ADAMTS12: variants seen among roughly 807,000 people sequenced by gnomAD.
ADAMTS12 encodes the protein A disintegrin and metalloproteinase with thrombospondin motifs 12.
ADAMTS12 carries 118 observed loss-of-function variants against 167.8 expected under a neutral mutation model. The observed-to-expected ratio is 0.70, with a 90% CI of 0.61 to 0.82. ADAMTS12 has a LOEUF of 0.82. Ranked by LOEUF, ADAMTS12 falls within the 40% of genes least tolerant of loss-of-function variation. The pLI is 0.00. For synonymous variants in ADAMTS12, 704 were observed against 716.9 expected, an observed-to-expected ratio of 0.98 and a Z score of 0.29; for missense variants, 1,916 against 1,998.8, an observed-to-expected ratio of 0.96 and a Z score of 0.79.
chr5:33,551,095 A>G (rs1370569612), intron 20 of ADAMTS12, among the ~76,000 whole-genome samples: 1 of 152,132 alleles, frequency 6.6e-6, no homozygotes, highest in Non-Finnish European at 1.5e-5. Flanking sequence ...CTGAAGGGTA[A>G]AAGACCATGC....
chr5:33,760,099 G>C (rs1052314907), intron 2 of ADAMTS12, among the ~76,000 whole-genome samples: 24 of 152,166 alleles, frequency 1.6e-4, no homozygotes, highest in Non-Finnish European at 2.5e-4. Flanking sequence ...TTCTGTTATA[G>C]ATAATCCATG....
intron 3 of ADAMTS12, among the ~76,000 whole-genome samples, chr5:33,719,805 A>G (rs906074525): frequency 1.3e-5 from 2 of 152,244 alleles, no homozygotes; most frequent in African/African-American, 2.4e-5. Context: ...CGAAGTTACT[A>G]TAACAGATGG....
chr5:33,707,601 A>C (rs990249042), intron 3 of ADAMTS12, among the ~76,000 whole-genome samples: 3 of 152,246 alleles, frequency 2.0e-5, no homozygotes, highest in African/African-American at 7.2e-5. Context: ...GTACCAAAAC[A>C]GATCTGTAGA....
At chr5:33,562,342 A>G (rs952235815) in intron 19 of ADAMTS12, among the ~76,000 whole-genome samples, 2 of 152,176 alleles carry the variant, frequency 1.3e-5, no homozygotes, top group African/African-American at 4.8e-5. Context: ...TAATTCTTAA[A>G]TATCTCAGGT....
At chr5:33,737,210 G>A (rs1744404789) in intron 3 of ADAMTS12, among the ~76,000 whole-genome samples, 1 of 152,212 alleles carries the variant, frequency 6.6e-6, no homozygotes, top group African/African-American at 2.4e-5. Context: ...TGCTGTGGTT[G>A]ACAGGCCCCT....
rs1743842963 is a variant in ADAMTS12 at position 33,526,908 on chromosome 5, A to G, written c.*280T>C. 1 of 381,992 alleles carries G rather than the reference A, an allele frequency of 2.6e-6. No homozygotes were observed. Among genetic ancestry groups the G allele is most frequent in the South Asian group, 5.2e-5 (1 of 19,306 alleles). The allele number at this position is 381,992 out of a possible 1,614,324, so 23.7% of individuals were successfully genotyped here. A position where few individuals can be genotyped will look rare whatever the true frequency, so the allele number is the denominator to read the frequency against. ...AGAACAAAAATACAGTATTTCACAAATCTGTCTAACCTGGCACCTTTCCCA... is the reference window on the plus strand; with the variant it reads ...AGAACAAAAATACAGTATTTCACAAGTCTGTCTAACCTGGCACCTTTCCCA... On this transcript the variant is annotated 3_prime_UTR_variant, in exon 24 of 24. Transcript: ENST00000504830.
chr5:33,645,478 A>G (rs1740629738), intron 9 of ADAMTS12, among the ~76,000 whole-genome samples: 1 of 152,020 alleles, frequency 6.6e-6, no homozygotes, highest in South Asian at 2.1e-4. Context: ...AGAATACATC[A>G]TTGTCTCTTC....
chr5:33,722,552 A>T (rs1368646883), intron 3 of ADAMTS12, among the ~76,000 whole-genome samples: 1 of 152,228 alleles, frequency 6.6e-6, no homozygotes, highest in African/African-American at 2.4e-5. Context: ...AGCCCTGATG[A>T]CTGTCCTAAG....
Position 33,523,986 on chromosome 5 carries a change from T to C in ADAMTS12, c.*3202A>G, listed in dbSNP as rs2089872530. The C allele has an allele frequency of 6.6e-6, 1 of 152,230 alleles. No individual in the cohort carries two copies. The highest frequency in any genetic ancestry group is 2.1e-4 in the South Asian group (1 of 4,836). The allele number at this position is 152,230 out of a possible 1,614,324, so 9.4% of individuals were successfully genotyped here. A position where few individuals can be genotyped will look rare whatever the true frequency, so the allele number is the denominator to read the frequency against. ...TCTCTGGAGTAGCAGTGTGCAGCTT[T>C]CAGAGTTTGGAAGATTTTAGTCAAC... On this transcript the variant is annotated 3_prime_UTR_variant, in exon 24 of 24. Coordinates refer to ENST00000504830, the MANE Select transcript of ADAMTS12 (RefSeq NM_030955.4).
At chr5:33,831,576 T>A (rs768400634) in intron 2 of ADAMTS12, among the ~76,000 whole-genome samples, 4 of 152,166 alleles carry the variant, frequency 2.6e-5, no homozygotes, top group Non-Finnish European at 4.4e-5. Flanking sequence ...AACTGAAGAG[T>A]CCTGCTTCCA....
At chr5:33,587,170 G>T (rs1311123903) in intron 18 of ADAMTS12, among the ~76,000 whole-genome samples, 1 of 152,046 alleles carries the variant, frequency 6.6e-6, no homozygotes, top group Admixed American at 6.5e-5. Context: ...CATCAAAGCT[G>T]CTGTATTTAA....
At chr5:33,722,208 A>AAT (rs1743830253) in intron 3 of ADAMTS12, among the ~76,000 whole-genome samples, 1 of 151,898 alleles carries the variant, frequency 6.6e-6, no homozygotes, top group Non-Finnish European at 1.5e-5. Context: ...CCAAAAGAGT[A>AAT]ATATAGTCCA....
At chr5:33,817,799 G>C (rs1747721959) in intron 2 of ADAMTS12, among the ~76,000 whole-genome samples, 1 of 152,072 alleles carries the variant, frequency 6.6e-6, no homozygotes, top group Admixed American at 6.6e-5. Flanking sequence ...TCAGTATTCA[G>C]ATGTCCCTGA....
chr5:33,743,490 C>T (rs1012993039), intron 3 of ADAMTS12, among the ~76,000 whole-genome samples: 3 of 152,142 alleles, frequency 2.0e-5, no homozygotes, highest in African/African-American at 7.2e-5. Flanking sequence ...CTCCAAGGCC[C>T]CTGCCTCTTT....
At chr5:33,783,173 A>C (rs560708473) in intron 2 of ADAMTS12, among the ~76,000 whole-genome samples, 1 of 152,136 alleles carries the variant, frequency 6.6e-6, no homozygotes, top group East Asian at 1.9e-4. Context: ...TAAGAAAGAA[A>C]CCAAAAGAGC....
intron 3 of ADAMTS12, among the ~76,000 whole-genome samples, chr5:33,725,121 G>A (rs1743935644): frequency 6.6e-6 from 1 of 152,132 alleles, no homozygotes; most frequent in Non-Finnish European, 1.5e-5. Flanking sequence ...ATGAACAGGT[G>A]TTTCCAGTAG....
chr5:33,751,576 A>G (rs1459504192), intron 2 of ADAMTS12, 28 bp from the exon 3 acceptor site: 1 of 1,608,904 alleles, frequency 6.2e-7, no homozygotes, highest in Admixed American at 1.7e-5. Context: ...AAGAAAGTTT[A>G]TTTTAACCAA....
intron 5 of ADAMTS12, among the ~76,000 whole-genome samples, chr5:33,671,708 G>A (rs1240443760): frequency 4.6e-5 from 7 of 151,652 alleles, no homozygotes; most frequent in African/African-American, 9.7e-5. Context: ...TCACACAACC[G>A]CAAAGCCACA....
At chr5:33,574,902 T>C (rs554511774) in intron 19 of ADAMTS12, among the ~76,000 whole-genome samples, 2 of 152,316 alleles carry the variant, frequency 1.3e-5, no homozygotes, top group East Asian at 1.9e-4. Flanking sequence ...AAATGCTGAA[T>C]GATTTGAACA....
Sources: allele counts gnomAD v4.1 joint callset (sites outside exome capture counted in the v4.1 genomes callset), GRCh38; gene constraint gnomAD v4.1.1; transcripts MANE v1.5; gene names NCBI Gene and HGNC (gene_info 2026-07-23, HGNC 2026-07-21).